The following NOS2 variants were observed in gnomAD, a reference collection of about 807,000 sequenced individuals.
The protein encoded by NOS2 is nitric oxide synthase, inducible.
A neutral mutation model predicts 136.0 loss-of-function variants in NOS2; 96 were observed. That is an observed-to-expected ratio of 0.71 (90% CI 0.60 to 0.84). The LOEUF is 0.84. Ranked by LOEUF, NOS2 falls within the 40% of genes least tolerant of loss-of-function variation. The pLI is 0.00. For missense variants in NOS2, 1,237 were observed against 1,496.9 expected, an observed-to-expected ratio of 0.83 and a Z score of 2.87; for synonymous variants, 539 against 587.5, an observed-to-expected ratio of 0.92 and a Z score of 1.20.
chr17:27,784,058 C>G (rs899933899), intron 5 of NOS2, among the ~76,000 whole-genome samples: 4 of 152,092 alleles, frequency 2.6e-5, no homozygotes, highest in Non-Finnish European at 5.9e-5. Context: ...CAATTCTAAA[C>G]TTGCTTCTCT....
intron 18 of NOS2, 21 bp downstream of exon 18, chr17:27,767,684 G>T (rs2151326976): frequency 6.2e-7 from 1 of 1,612,404 alleles, no homozygotes; most frequent in East Asian, 2.2e-5. Flanking sequence ...CAAGCCCCAT[G>T]TGCTGCAGAG....
intron 11 of NOS2, among the ~76,000 whole-genome samples, chr17:27,776,669 C>T (rs1196594607): frequency 7.6e-6 from 1 of 131,544 alleles, no homozygotes; most frequent in African/African-American, 2.9e-5. Context: ...GAGAGTTCAT[C>T]TCCAAAGGAA....
At chr17:27,793,674 C>T (rs1205569289) in intron 2 of NOS2, 2 of 396,142 alleles carry the variant, frequency 5.0e-6, no homozygotes, top group African/African-American at 2.1e-5. Flanking sequence ...CCTCGCACGC[C>T]GCGCCCAGCC....
chr17:27,765,413 G>T, intron 20 of NOS2, 122 bp downstream of exon 20: 1 of 879,586 alleles, frequency 1.1e-6, no homozygotes, highest in Non-Finnish European at 1.7e-6. Context: ...AGCTTTGGTG[G>T]CCCGCCCTCT....
intron 12 of NOS2, 34 bp from the exon 13 acceptor site, chr17:27,773,277 G>C (rs764606931): frequency 6.5e-7 from 1 of 1,543,268 alleles, no homozygotes; most frequent in Non-Finnish European, 9.0e-7. Context: ...AGGGCAGGGC[G>C]GGGTCCTGGC....
chr17:27,779,647 A>G (rs781740097), intron 9 of NOS2, among the ~76,000 whole-genome samples: 9 of 152,188 alleles, frequency 5.9e-5, no homozygotes, highest in Non-Finnish European at 1.2e-4. Flanking sequence ...ATGCAAACCT[A>G]TATTAAGCTT....
rs546903974 is a variant in NOS2, at chr17:27,776,658, G to T, written c.1281+2032C>A. On this transcript the variant is annotated intron_variant, in intron 11 of 26. Transcript: ENST00000313735. ...ATGCACTCCAGCCTAGGCAATGGAGGGAGAGTTCATCTCCAAAGGAAAAAA... is the reference window on the plus strand; with the variant it reads ...ATGCACTCCAGCCTAGGCAATGGAGTGAGAGTTCATCTCCAAAGGAAAAAA... 2.7e-5 allele frequency among the ~76,000 whole-genome samples: 4 copies of T among 148,098 alleles called. No homozygotes were observed. In the East Asian group the frequency reaches 5.9e-4, roughly 22 times the overall value.
At chr17:27,758,124 G>C (rs1413054181) in intron 26 of NOS2, among the ~76,000 whole-genome samples, 1 of 152,186 alleles carries the variant, frequency 6.6e-6, no homozygotes, top group Non-Finnish European at 1.5e-5. Context: ...AGAATGTAAA[G>C]AATTTTTGCC....
At position 27,783,113 on chromosome 17, in the gene NOS2, GA is replaced by G; in HGVS notation, c.468-8del. ...ATGTTCCTCTATTTTTGCCCTGGGGGACAGGAAGACAGCAGGAAGATCAACA... is the reference window on the plus strand; with the variant it reads ...ATGTTCCTCTATTTTTGCCCTGGGGGCAGGAAGACAGCAGGAAGATCAACA... On this transcript the variant is annotated splice_region_variant and splice_polypyrimidine_tract_variant and intron_variant, in intron 5 of 26. Coordinates refer to ENST00000313735, the MANE Select transcript of NOS2 (RefSeq NM_000625.4). 1 of 1,613,968 alleles carries G rather than the reference GA, an allele frequency of 6.2e-7. No homozygotes were observed. Among genetic ancestry groups the G allele is most frequent in the Non-Finnish European group, 8.5e-7 (1 of 1,179,874 alleles).
chr17:27,772,454 T>C lies in NOS2; in HGVS notation c.1560-2A>G. 1 of 1,613,840 alleles carries C rather than the reference T, an allele frequency of 6.2e-7. No homozygotes were observed. The highest frequency in any genetic ancestry group is 8.5e-7 in the Non-Finnish European group (1 of 1,179,994). ...AGCATACAGGCAAAGAGCACAGCTCTGTGGGGACAGACAGACAGGCAGGCG... is the reference window on the plus strand; with the variant it reads ...AGCATACAGGCAAAGAGCACAGCTCCGTGGGGACAGACAGACAGGCAGGCG... On this transcript the variant is annotated splice_acceptor_variant, in intron 13 of 26. Coordinates refer to ENST00000313735, the MANE Select transcript of NOS2 (RefSeq NM_000625.4). LOFTEE classifies it high-confidence loss of function.
At position 27,773,173 on chromosome 17, in the gene NOS2, T is replaced by G; in HGVS notation, c.1547A>C (p.Lys516Thr). ...RRPKRREIPL[K>T]VLVKAVLFAC... ...CACTGCCACTCACTTGACCAAGACT[T>G]TCAATGGAATCTCTCTTCTCTTGGG... The change falls in exon 13 of 27, where the codon AAA becomes ACA. Residue 516 changes from lysine to threonine, a missense_variant. Lys to Thr is a moderately conservative substitution (Grantham distance 78). Around this residue, in one of 3 missense-constraint regions of NOS2, gnomAD observed 782 missense variants for 909.9 expected, o/e 0.86. Coordinates refer to ENST00000313735, the MANE Select transcript of NOS2 (RefSeq NM_000625.4). 1 of 1,613,932 alleles carries G rather than the reference T, an allele frequency of 6.2e-7. No individual in the cohort carries two copies. Among genetic ancestry groups the G allele is most frequent in the Non-Finnish European group, 8.5e-7 (1 of 1,179,798 alleles).
intron 18 of NOS2, among the ~76,000 whole-genome samples, 180 bp from the exon 19 acceptor site, chr17:27,766,768 C>T (rs1216843648): frequency 3.9e-5 from 6 of 152,060 alleles, no homozygotes; most frequent in African/African-American, 1.4e-4. Flanking sequence ...TGGTCCAGGC[C>T]GGGCATGGTG....
At chr17:27,770,749 G>A (rs1366829312) in intron 15 of NOS2, among the ~76,000 whole-genome samples, 164 bp downstream of exon 15, 2 of 152,140 alleles carry the variant, frequency 1.3e-5, no homozygotes, top group Admixed American at 6.5e-5. Context: ...CTCCCATATG[G>A]CAATAATTAC....
intron 25 of NOS2, 130 bp from the exon 26 acceptor site, chr17:27,759,205 G>T (rs1419995560): frequency 2.5e-5 from 15 of 601,612 alleles, no homozygotes; most frequent in Non-Finnish European, 4.3e-5. Context: ...TTCCAGCCAG[G>T]ACCTTGCAAG....
chr17:27,773,174 T>C lies in NOS2; in HGVS notation c.1546A>G (p.Lys516Glu), dbSNP rs200388007. The change falls in exon 13 of 27, where the codon AAA (lysine) becomes GAA (glutamate). Residue 516 changes from lysine to glutamate, a missense_variant. Physicochemically the swap from Lys to Glu is moderately conservative, Grantham distance 56. Transcript: ENST00000313735. ...ACTGCCACTCACTTGACCAAGACTT[T>C]CAATGGAATCTCTCTTCTCTTGGGT... is the stretch of plus-strand genomic sequence containing the variant. ...RRPKRREIPLKVLVKAVLFAC... is the reference protein window; with the variant it reads ...RRPKRREIPLEVLVKAVLFAC... 6.2e-7 allele frequency: 1 copy of C among 1,613,926 alleles called. No individual in the cohort carries two copies. Among genetic ancestry groups the C allele is most frequent in the Non-Finnish European group, 8.5e-7 (1 of 1,179,772 alleles).
At chr17:27,793,699 C>G (rs981679698) in intron 2 of NOS2, 2 of 395,008 alleles carry the variant, frequency 5.1e-6, no homozygotes, top group East Asian at 3.6e-5. Flanking sequence ...GCGCATGGCC[C>G]GGCTCCTTAG....
rs939300030 is a variant in NOS2 at position 27,783,006 on chromosome 17, T to C, written c.568A>G (p.Thr190Ala). 1.2e-6 allele frequency: 2 copies of C among 1,614,094 alleles called. No individual in the cohort carries two copies. The highest frequency in any genetic ancestry group is 1.7e-6 in the Non-Finnish European group (2 of 1,180,044). ...GGGGCATTGCGCCAGGCCTGCTTGG[T>C]GGCGAAGATGAGCTCATCTCCCGTC... ...QLTGDELIFA[T>A]KQAWRNAPRC... Residue 190 changes from threonine to alanine, a missense_variant, in exon 6 of 27, where the codon ACC becomes GCC. By Grantham distance (58) the Thr-to-Ala change is moderately conservative. This residue lies in a region of NOS2 where 440 missense variants were observed against 545.4 expected (regional missense o/e 0.81). Transcript: ENST00000313735.
At chr17:27,795,129 G>A (rs943376354) in intron 2 of NOS2, among the ~76,000 whole-genome samples, 19 of 152,280 alleles carry the variant, frequency 1.2e-4, no homozygotes, top group African/African-American at 4.1e-4. Flanking sequence ...TCTCCAACTC[G>A]CATTCTTCAT....
chr17:27,760,496 C>T (rs1908083861), intron 24 of NOS2, 127 bp downstream of exon 24: 1 of 1,309,946 alleles, frequency 7.6e-7, no homozygotes. Context: ...GAGGCCCGCA[C>T]AGGGAAGCAA....
Sources: gnomAD v4.1 joint callset for allele counts (sites outside exome capture counted in the v4.1 genomes callset) on GRCh38, gnomAD v4.1.1 for gene constraint, gnomAD v4.1.1 regional missense constraint, MANE v1.5 for transcripts, NCBI Gene and HGNC (gene_info 2026-07-23, HGNC 2026-07-21) for gene names.